DNAH1: variants seen among roughly 807,000 people sequenced by gnomAD.
DNAH1 encodes dynein axonemal heavy chain 1.
A neutral mutation model predicts 484.3 loss-of-function variants in DNAH1; 327 were observed. That is an observed-to-expected ratio of 0.68 (90% CI 0.62 to 0.74). DNAH1 has a LOEUF of 0.74. DNAH1 is among the 30% of genes least tolerant of loss of function. The pLI, the probability that DNAH1 is intolerant of heterozygous loss-of-function variation, is 0.00. For synonymous variants in DNAH1, 2,192 were observed against 2,191.9 expected, an observed-to-expected ratio of 1.00 and a Z score of 0.00; for missense variants, 5,052 against 5,546.8, an observed-to-expected ratio of 0.91 and a Z score of 2.83.
intron 65 of DNAH1, 52 bp downstream of exon 65, chr3:52,393,077 C>G: frequency 1.3e-6 from 2 of 1,580,676 alleles, no homozygotes; most frequent in Non-Finnish European, 1.7e-6. Flanking sequence ...CCCATGTGGA[C>G]ACATTTCCAC....
rs763226394 is a variant in DNAH1, at chr3:52,370,688, C to T, written c.6418-30C>T. The T allele has an allele frequency of 1.8e-5, 28 of 1,596,496 alleles. 1 individual carries two copies. The South Asian group carries it at 3.2e-4, about 18-fold the overall frequency. The stretch of plus-strand genomic sequence containing the variant: ...GGAGCCTCAGTCCTACTGGGCCTCA[C>T]AGCCTGCTTCTCCTCCTGGTTCCCG... On this transcript the variant is annotated intron_variant, in intron 40 of 77. Coordinates refer to ENST00000420323, the MANE Select transcript of DNAH1 (RefSeq NM_015512.5).
In DNAH1 at chr3:52,385,388, A is replaced by G. The variant is rs376648123; in HGVS notation, c.8566A>G (p.Met2856Val). 15 of 1,552,920 alleles carry G rather than the reference A, an allele frequency of 9.7e-6. No homozygotes were observed. The highest frequency in any genetic ancestry group is 2.0e-5 in the Admixed American group (1 of 51,172). The change falls in exon 54 of 78, where the codon ATG becomes GTG. Residue 2856 changes from methionine (M) to valine (V), a missense_variant. By Grantham distance (21) the Met-to-Val change is conservative. Coordinates refer to ENST00000420323, the MANE Select transcript of DNAH1 (RefSeq NM_015512.5). ...VAKMQEDLES[M>V]HPLLEEAAKD... ...CAAGATGCAGGAGGACCTGGAGAGT[A>G]TGCACCCCCTGCTGGAGGAGGCTGC...
In DNAH1 at chr3:52,388,623, T is replaced by G. The variant is rs747275883; in HGVS notation, c.9363+14T>G. On this transcript the variant is annotated intron_variant, in intron 58 of 77. Coordinates refer to ENST00000420323, the MANE Select transcript of DNAH1 (RefSeq NM_015512.5). ...CGAGCTGGCAAGGTGCGCACCCTCC[T>G]CCTGCAAGGCCTGCAAGCGGGCCCG... 6.2e-7 allele frequency: 1 copy of G among 1,612,112 alleles called. No individual in the cohort carries two copies. Among genetic ancestry groups the G allele is most frequent in the South Asian group, 1.1e-5 (1 of 90,896 alleles).
intron 44 of DNAH1, 120 bp downstream of exon 44, chr3:52,373,173 CTTAAAA>C (rs1703424880): frequency 7.9e-6 from 10 of 1,271,426 alleles, no homozygotes; most frequent in Non-Finnish European, 9.3e-6. Flanking sequence ...TTTAATTTCT[CTTAAAA>C]TTAAAGGGGA....
Position 52,396,459 on chromosome 3 carries a change from A to G in DNAH1, c.11351A>G (p.Glu3784Gly), listed in dbSNP as rs1358189436. ...CAGAACGGCTCCAAGATGACCATTGAGCCGCCACGCGGTGTCAGGGCCAAC... is the reference window on the plus strand; with the variant it reads ...CAGAACGGCTCCAAGATGACCATTGGGCCGCCACGCGGTGTCAGGGCCAAC... The part of the protein sequence containing the change: ...ILQNGSKMTI[E>G]PPRGVRANLL... Residue 3784 changes from glutamate to glycine, a missense_variant, in exon 71 of 78, where the codon GAG becomes GGG. Around this residue, in one of 4 missense-constraint regions of DNAH1, gnomAD observed 853 missense variants for 899.0 expected, o/e 0.95. Coordinates refer to ENST00000420323, the MANE Select transcript of DNAH1 (RefSeq NM_015512.5). The G allele has an allele frequency of 1.3e-6, 2 of 1,599,212 alleles. No individual in the cohort carries two copies. Among genetic ancestry groups the G allele is most frequent in the Non-Finnish European group, 8.5e-7 (1 of 1,173,230 alleles).
Position 52,370,782 on chromosome 3 carries a change from G to A in DNAH1, c.6482G>A (p.Ser2161Asn). ...FDYRLEDAGI[S>N]GTNDSEDEEE... is the part of the protein sequence containing the mutation. ...TACAGGCTGGAGGACGCGGGCATCA[G>A]TGGCACCAACGACAGTGAGGATGAA... is the stretch of plus-strand genomic sequence containing the variant. Residue 2161 changes from serine (S) to asparagine (N), a missense_variant, in exon 41 of 78, where the codon AGT becomes AAT. By Grantham distance (46) the Ser-to-Asn change is conservative. This residue lies in a region of DNAH1 where 2,929 missense variants were observed against 3,409.4 expected (regional missense o/e 0.86). Transcript: ENST00000420323. 1 of 1,607,590 alleles carries A rather than the reference G, an allele frequency of 6.2e-7. No individual in the cohort carries two copies. Among genetic ancestry groups the A allele is most frequent in the Non-Finnish European group, 8.5e-7 (1 of 1,177,438 alleles).
At chr3:52,322,857 C>A in intron 2 of DNAH1, 82 bp downstream of exon 2, 3 of 1,207,896 alleles carry the variant, frequency 2.5e-6, no homozygotes, top group Non-Finnish European at 3.6e-6. Flanking sequence ...TTCTCCCCAT[C>A]AGTCAGTCCA....
chr3:52,396,660 C>T lies in DNAH1; in HGVS notation c.11473C>T (p.His3825Tyr), dbSNP rs758459337. 6.2e-7 allele frequency: 1 copy of T among 1,613,598 alleles called. No homozygotes were observed. Among genetic ancestry groups the T allele is most frequent in the South Asian group, 1.1e-5 (1 of 91,064 alleles). The change falls in exon 72 of 78, where the codon CAT becomes TAT. Residue 3825 changes from histidine to tyrosine, a missense_variant. Transcript: ENST00000420323. ...TCTGCTGCTGTCTCTGTGCTTGTTCCATGGGAACGCCCTGGAGCGCCGTAA... is the reference window on the plus strand; with the variant it reads ...TCTGCTGCTGTCTCTGTGCTTGTTCTATGGGAACGCCCTGGAGCGCCGTAA... Reference protein sequence around the residue: ...KSLLLSLCLFHGNALERRKFG... With the variant: ...KSLLLSLCLFYGNALERRKFG...
Position 52,370,091 on chromosome 3 carries a change from G to C in DNAH1, c.6139-19G>C, listed in dbSNP as rs1318343262. ...ACTGTGGCTGCCAGCCATGAGAACT[G>C]GGTGCCTACTCCCTGCAGGAATCCA... On this transcript the variant is annotated intron_variant, in intron 38 of 77. Transcript: ENST00000420323. 1 of 1,613,906 alleles carries C rather than the reference G, an allele frequency of 6.2e-7. No homozygotes were observed. The highest frequency in any genetic ancestry group is 1.7e-5 in the Admixed American group (1 of 60,012).
At chr3:52,359,779 G>A in intron 26 of DNAH1, 137 bp from the exon 27 acceptor site, 1 of 1,179,114 alleles carries the variant, frequency 8.5e-7, no homozygotes. Context: ...CCCGGTCCCT[G>A]CTCCCCTCCC....
Position 52,346,492 on chromosome 3 carries a change from C to T in DNAH1, c.1677C>T (p.Asp559=). The stretch of plus-strand genomic sequence containing the variant: ...TCTAGGTGCAGATGTTCCTCAAGGA[C>T]AGCTGGATCAGCTCGCTAAAGGTGG... ...TFSQVQMFLK[D]SWISSLKVAM... is the part of the protein sequence containing the mutation. Residue 559 remains aspartate (D), a synonymous_variant, in exon 11 of 78, where the codon GAC becomes GAT. Transcript: ENST00000420323. The T allele has an allele frequency of 6.2e-7, 1 of 1,611,990 alleles. No homozygotes were observed. The highest frequency in any genetic ancestry group is 8.5e-7 in the Non-Finnish European group (1 of 1,178,952).
chr3:52,370,764 T>C lies in DNAH1; in HGVS notation c.6464T>C (p.Leu2155Pro). 6.2e-7 allele frequency: 1 copy of C among 1,608,486 alleles called. No homozygotes were observed. ...GAGGGGCTGGTGTTCGATTACAGGCTGGAGGACGCGGGCATCAGTGGCACC... is the reference window on the plus strand; with the variant it reads ...GAGGGGCTGGTGTTCGATTACAGGCCGGAGGACGCGGGCATCAGTGGCACC... ...PEEGLVFDYR[L>P]EDAGISGTND... Residue 2155 changes from leucine (L) to proline (P), a missense_variant, in exon 41 of 78, where the codon CTG becomes CCG. This residue lies in a region of DNAH1 where 2,929 missense variants were observed against 3,409.4 expected (regional missense o/e 0.86). Transcript: ENST00000420323.
Position 52,322,455 on chromosome 3 carries a change from A to C in DNAH1, c.13A>C (p.Asn5His), listed in dbSNP as rs771252539. MEQP[N>H]SKGYSLGRTP... The stretch of plus-strand genomic sequence containing the variant: ...CCTGAGAAGCAGCATGGAGCAGCCT[A>C]ACAGTAAAGGCTATAGCCTGGGAAG... Residue 5 changes from asparagine to histidine, a missense_variant, in exon 2 of 78, where the codon AAC (asparagine) becomes CAC (histidine). Asn to His is a moderately conservative substitution (Grantham distance 68). This residue lies in a region of DNAH1 where 1,263 missense variants were observed against 1,218.8 expected (regional missense o/e 1.04). Transcript: ENST00000420323. The C allele has an allele frequency of 8.7e-6, 14 of 1,609,446 alleles. No homozygotes were observed. In the East Asian group the frequency reaches 1.3e-4, roughly 15 times the overall value.
chr3:52,373,226 C>T (rs1450901600), intron 44 of DNAH1, among the ~76,000 whole-genome samples, 173 bp downstream of exon 44: 5 of 151,918 alleles, frequency 3.3e-5, no homozygotes, highest in African/African-American at 4.9e-5. Context: ...GGAGAGACGC[C>T]GCCGCCACGG....
intron 45 of DNAH1, 137 bp from the exon 46 acceptor site, chr3:52,375,818 A>C (rs911327582): frequency 3.8e-5 from 37 of 971,896 alleles, no homozygotes; most frequent in Non-Finnish European, 5.9e-5. Flanking sequence ...GGATGGACGG[A>C]GTGTCTCTGA....
At chr3:52,349,859 G>T in intron 14 of DNAH1, 130 bp from the exon 15 acceptor site, 1 of 1,352,492 alleles carries the variant, frequency 7.4e-7, no homozygotes, top group Non-Finnish European at 1.0e-6. Context: ...CTCTTGGAAA[G>T]CGCCGCAGGA....
rs373852790 is a variant in DNAH1, at chr3:52,384,855, C to T, written c.8392C>T (p.Arg2798Cys). ...CATCGAGTACCTGGCAGAGCTGACC[C>T]GCCACAACTATGTGACCCCCAAGAG... ...KCIEYLAELT[R>C]HNYVTPKSYL... Residue 2798 changes from arginine (R) to cysteine (C), a missense_variant, in exon 53 of 78, where the codon CGC becomes TGC. Around this residue, in one of 4 missense-constraint regions of DNAH1, gnomAD observed 2,929 missense variants for 3,409.4 expected, o/e 0.86. Coordinates refer to ENST00000420323, the MANE Select transcript of DNAH1 (RefSeq NM_015512.5). The T allele has an allele frequency of 2.4e-5, 39 of 1,611,984 alleles. No individual in the cohort carries two copies. Among genetic ancestry groups the T allele is most frequent in the African/African-American group, 5.3e-5 (4 of 74,864 alleles).
In DNAH1 at chr3:52,349,989, A is replaced by T. The variant is rs1027616720; in HGVS notation, c.2527A>T (p.Ile843Phe). ...AKNLHKEVDS[I>F]CEEFRSISRK... ...CCCCAGCGCCTCCTCCCACTGCCAG[A>T]TCTGCGAGGAGTTCCGCAGCATCAG... is the stretch of plus-strand genomic sequence containing the variant. Residue 843 changes from isoleucine to phenylalanine, a missense_variant and splice_region_variant, in exon 15 of 78, where the codon ATC becomes TTC. Coordinates refer to ENST00000420323, the MANE Select transcript of DNAH1 (RefSeq NM_015512.5). The T allele has an allele frequency of 3.1e-6, 5 of 1,607,486 alleles. No homozygotes were observed. Among genetic ancestry groups the T allele is most frequent in the Non-Finnish European group, 4.2e-6 (5 of 1,177,296 alleles).
intron 66 of DNAH1, 51 bp downstream of exon 66, chr3:52,393,536 A>C (rs1704489037): frequency 6.2e-7 from 1 of 1,605,168 alleles, no homozygotes; most frequent in East Asian, 2.2e-5. Flanking sequence ...GCCCTGTGGC[A>C]GGGCCTGAGA....
Sources: gnomAD v4.1 joint callset for allele counts (sites outside exome capture counted in the v4.1 genomes callset) on GRCh38, gnomAD v4.1.1 for gene constraint, gnomAD v4.1.1 regional missense constraint, MANE v1.5 for transcripts, NCBI Gene and HGNC (gene_info 2026-07-23, HGNC 2026-07-21) for gene names.